Variants in GRIP1 observed in about 807,000 individuals in gnomAD.
GRIP1 encodes glutamate receptor interacting protein 1.
GRIP1 carries 45 observed loss-of-function variants against 129.9 expected under a neutral mutation model. The ratio of observed to expected loss-of-function variants is 0.35; its 90% CI spans 0.27 to 0.44. The LOEUF is 0.44. Ranked by LOEUF, GRIP1 falls within the 20% of genes least tolerant of loss-of-function variation. The pLI is 1.00. For missense variants in GRIP1, 1,196 were observed against 1,396.8 expected, an observed-to-expected ratio of 0.86 and a Z score of 2.29; for synonymous variants, 530 against 520.8, an observed-to-expected ratio of 1.02 and a Z score of -0.24.
At chr12:66,547,503 G>A (rs1360432353) in intron 2 of GRIP1, among the ~76,000 whole-genome samples, 1 of 152,132 alleles carries the variant, frequency 6.6e-6, no homozygotes, top group Non-Finnish European at 1.5e-5. Context: ...ATTCACAATA[G>A]CAGGAAACAG....
intron 1 of GRIP1, among the ~76,000 whole-genome samples, chr12:66,606,593 C>A (rs1484271724): frequency 6.6e-6 from 1 of 152,142 alleles, no homozygotes; most frequent in South Asian, 2.1e-4. Context: ...AATCTTATCT[C>A]TTCTCACAAT....
chr12:66,493,873 C>T (rs536890101), intron 7 of GRIP1, among the ~76,000 whole-genome samples: 1 of 152,240 alleles, frequency 6.6e-6, no homozygotes, highest in South Asian at 2.1e-4. Flanking sequence ...TGTTCCTTTT[C>T]CTGGGCTGCT....
At chr12:66,514,301 T>G (rs1229684278) in intron 7 of GRIP1, among the ~76,000 whole-genome samples, 2 of 152,158 alleles carry the variant, frequency 1.3e-5, no homozygotes, top group African/African-American at 4.8e-5. Context: ...ATTTTTAATG[T>G]TAACAATCCA....
chr12:66,754,076 A>G (rs182389091), intron 1 of GRIP1, among the ~76,000 whole-genome samples: 3 of 152,310 alleles, frequency 2.0e-5, no homozygotes, highest in African/African-American at 2.4e-5. Flanking sequence ...AGCCACAATA[A>G]ATGCATCTCC....
At chr12:66,434,153 G>A (rs1021843667) in intron 13 of GRIP1, among the ~76,000 whole-genome samples, 1 of 152,160 alleles carries the variant, frequency 6.6e-6, no homozygotes, top group African/African-American at 2.4e-5. Flanking sequence ...TGTTAAACTG[G>A]AGAGCACAAT....
chr12:66,955,420 A>G (rs116633484), intron 1 of GRIP1, among the ~76,000 whole-genome samples: 3,935 of 152,046 alleles, frequency 0.026, 166 homozygotes, highest in African/African-American at 0.089. Flanking sequence ...TTCAAATAAT[A>G]GCACCTTCAT....
rs1449550155 is a variant in GRIP1 at position 66,907,701 on chromosome 12, G to C, written c.58+161349C>G. ...GTACCAATGAGATGACGATAGAAGGGGGTAGTGTGAAGAAAGACTACATGA... is the reference window on the plus strand; with the variant it reads ...GTACCAATGAGATGACGATAGAAGGCGGTAGTGTGAAGAAAGACTACATGA... On this transcript the variant is annotated intron_variant, in intron 1 of 1. Coordinates refer to the GRIP1 transcript ENST00000643019. Among the ~76,000 whole-genome samples the C allele has an allele frequency of 2.0e-5, 3 of 152,220 alleles. No homozygotes were observed. In the East Asian group the frequency reaches 5.8e-4, roughly 29 times the overall value.
intron 2 of GRIP1, among the ~76,000 whole-genome samples, chr12:66,593,291 C>T (rs1260928974): frequency 8.6e-5 from 13 of 151,992 alleles, no homozygotes; most frequent in African/African-American, 1.2e-4. Context: ...AAAGGATTTA[C>T]GGTTAGAATT....
intron 1 of GRIP1, among the ~76,000 whole-genome samples, chr12:66,629,704 C>T (rs1004895258): frequency 6.6e-6 from 1 of 152,212 alleles, no homozygotes; most frequent in African/African-American, 2.4e-5. Flanking sequence ...CCACACTGGA[C>T]CTACTTTCAT....
chr12:67,044,619 C>T (rs1034625135), intron 1 of GRIP1, among the ~76,000 whole-genome samples: 1 of 152,044 alleles, frequency 6.6e-6, no homozygotes, highest in Non-Finnish European at 1.5e-5. Flanking sequence ...TTATGTATAA[C>T]AATTGCTTTT....
chr12:66,946,652 C>T (rs2041672028), intron 1 of GRIP1, among the ~76,000 whole-genome samples: 1 of 151,594 alleles, frequency 6.6e-6, no homozygotes, highest in Non-Finnish European at 1.5e-5. Context: ...GTTTGAAAGA[C>T]TGCACTGCAC....
intron 1 of GRIP1, among the ~76,000 whole-genome samples, chr12:66,818,760 G>A (rs2039268941): frequency 6.6e-6 from 1 of 152,094 alleles, no homozygotes; most frequent in Non-Finnish European, 1.5e-5. Flanking sequence ...AGTAAACCTT[G>A]GTGCCACTGT....
chr12:66,915,904 A>AG (rs758425649), intron 1 of GRIP1, among the ~76,000 whole-genome samples: 99 of 152,322 alleles, frequency 6.5e-4, no homozygotes, highest in Non-Finnish European at 1.1e-3. Context: ...GCAAAGGGAG[A>AG]GGAAGTGCAT....
chr12:66,727,842 T>C (rs1044013216), intron 1 of GRIP1, among the ~76,000 whole-genome samples: 1 of 152,178 alleles, frequency 6.6e-6, no homozygotes, highest in Non-Finnish European at 1.5e-5. Context: ...GAAATATGCA[T>C]ATAAGTTCAG....
chr12:67,019,245 G>C (rs2042831030), intron 1 of GRIP1, among the ~76,000 whole-genome samples: 1 of 152,154 alleles, frequency 6.6e-6, no homozygotes, highest in Non-Finnish European at 1.5e-5. Flanking sequence ...AGGAGAAACA[G>C]GCAGTCCAAG....
chr12:66,391,535 T>C (rs1375764401), intron 19 of GRIP1, among the ~76,000 whole-genome samples: 1 of 152,210 alleles, frequency 6.6e-6, no homozygotes, highest in Non-Finnish European at 1.5e-5. Flanking sequence ...CTTTCCTATA[T>C]TGTGATTATA....
intron 1 of GRIP1, among the ~76,000 whole-genome samples, chr12:67,016,605 A>T (rs1327280609): frequency 6.6e-6 from 1 of 152,066 alleles, no homozygotes; most frequent in Non-Finnish European, 1.5e-5. Context: ...CCCCCACTTT[A>T]TCTTAACTAG....
chr12:66,387,159 C>T (rs908103294), intron 19 of GRIP1, among the ~76,000 whole-genome samples: 47 of 152,056 alleles, frequency 3.1e-4, no homozygotes, highest in African/African-American at 1.0e-3. Context: ...AAAGCAGGGG[C>T]GGTGGCATGA....
intron 1 of GRIP1, among the ~76,000 whole-genome samples, chr12:66,653,120 A>C (rs2032916395): frequency 6.6e-6 from 1 of 152,174 alleles, no homozygotes; most frequent in African/African-American, 2.4e-5. Flanking sequence ...TAAGAGTTGA[A>C]TCCTTGGATT....
Sources: gnomAD v4.1 joint callset for allele counts (sites outside exome capture counted in the v4.1 genomes callset) on GRCh38, gnomAD v4.1.1 for gene constraint, MANE v1.5 for transcripts, NCBI Gene and HGNC (gene_info 2026-07-23, HGNC 2026-07-21) for gene names.